PPP1R9A: variants seen among roughly 807,000 people sequenced by gnomAD.
PPP1R9A encodes protein phosphatase 1 regulatory subunit 9A.
Under a neutral mutation model 141.9 loss-of-function variants are expected in PPP1R9A, and 59 were observed. The ratio of observed to expected loss-of-function variants is 0.42; its 90% confidence interval spans 0.34 to 0.52. PPP1R9A has a LOEUF of 0.52. Ranked by LOEUF, PPP1R9A falls within the 20% of genes least tolerant of loss-of-function variation. The pLI is 0.10. For synonymous variants in PPP1R9A, 500 were observed against 569.7 expected, an observed-to-expected ratio of 0.88 and a Z score of 1.74; for missense variants, 1,444 against 1,611.9, an observed-to-expected ratio of 0.90 and a Z score of 1.78.
chr7:95,225,968 A>C lies in PPP1R9A; in HGVS notation c.1964A>C (p.Glu655Ala). 1 of 1,604,942 alleles carries C rather than the reference A, an allele frequency of 6.2e-7. No homozygotes were observed. The highest frequency in any genetic ancestry group is 8.5e-7 in the Non-Finnish European group (1 of 1,172,788). The change falls in exon 8 of 20, where the codon GAA (glutamate) becomes GCA (alanine). Residue 655 changes from glutamate (E) to alanine (A), a missense_variant. Physicochemically the swap from Glu to Ala is moderately radical, Grantham distance 107. Transcript: ENST00000433360. ...NNNNYFLKTG[E>A]YATDEEEDEV... ...AAATCCCCTTCCTTTCAGACAGGAG[A>C]ATATGCCACAGATGAAGAAGAAGAT...
At chr7:95,253,990 TTA>T (rs1799242294) in intron 12 of PPP1R9A, among the ~76,000 whole-genome samples, 1 of 152,072 alleles carries the variant, frequency 6.6e-6, no homozygotes, top group African/African-American at 2.4e-5. Flanking sequence ...GTTTATTAAA[TTA>T]TATGACTACA....
intron 7 of PPP1R9A, among the ~76,000 whole-genome samples, chr7:95,221,683 G>A (rs1794477097): frequency 6.6e-6 from 1 of 151,950 alleles, no homozygotes; most frequent in South Asian, 2.1e-4. Context: ...AATAAAGACT[G>A]GCAGCTCAAG....
At chr7:95,175,670 TC>T (rs1832793587) in intron 5 of PPP1R9A, among the ~76,000 whole-genome samples, 1 of 152,102 alleles carries the variant, frequency 6.6e-6, no homozygotes, top group African/African-American at 2.4e-5. Context: ...GAAGAAATTT[TC>T]AATGATTTAT....
chr7:95,022,269 GT>G (rs1028434845), intron 2 of PPP1R9A, among the ~76,000 whole-genome samples: 25 of 152,208 alleles, frequency 1.6e-4, no homozygotes, highest in African/African-American at 5.8e-4. Flanking sequence ...TTGCCTCTCT[GT>G]TTGTCTATTA....
chr7:95,175,819 A>T (rs1832817929), intron 5 of PPP1R9A, among the ~76,000 whole-genome samples: 1 of 152,194 alleles, frequency 6.6e-6, no homozygotes. Flanking sequence ...AGGGAACCAT[A>T]TAACTTCTGA....
At chr7:95,050,464 A>G (rs1056822180) in intron 2 of PPP1R9A, among the ~76,000 whole-genome samples, 16 of 152,176 alleles carry the variant, frequency 1.1e-4, no homozygotes, top group African/African-American at 3.9e-4. Context: ...TTGGTGGCTC[A>G]CACCTATAAT....
intron 5 of PPP1R9A, among the ~76,000 whole-genome samples, chr7:95,195,882 C>G (rs1247743141): frequency 6.6e-6 from 1 of 152,014 alleles, no homozygotes; most frequent in Non-Finnish European, 1.5e-5. Context: ...GAGATGTCAT[C>G]TCTACAAAAA....
chr7:95,279,183 C>G (rs145673484), intron 16 of PPP1R9A, among the ~76,000 whole-genome samples: 1 of 152,170 alleles, frequency 6.6e-6, no homozygotes, highest in African/African-American at 2.4e-5. Context: ...ACTTCATAGG[C>G]TATTTCTCTC....
chr7:94,975,244 A>G (rs1584467205), intron 2 of PPP1R9A, among the ~76,000 whole-genome samples: 1 of 152,230 alleles, frequency 6.6e-6, no homozygotes, highest in East Asian at 1.9e-4. Flanking sequence ...TAGTTTATTC[A>G]TAGATGAAGA....
chr7:95,177,286 A>C (rs111992255), intron 5 of PPP1R9A, among the ~76,000 whole-genome samples: 1 of 152,106 alleles, frequency 6.6e-6, no homozygotes, highest in African/African-American at 2.4e-5. Flanking sequence ...AATATGAAGG[A>C]AAGATACAGT....
In PPP1R9A at chr7:95,286,127, C is replaced by G. The variant is rs556904811; in HGVS notation, c.3610-79C>G. ...TCTGCTAAGATTGTTTAAAAGAGCCCTTTTAGAGCTTGTAGACACACCTAC... is the reference window on the plus strand; with the variant it reads ...TCTGCTAAGATTGTTTAAAAGAGCCGTTTTAGAGCTTGTAGACACACCTAC... On this transcript the variant is annotated intron_variant, in intron 17 of 19. Transcript: ENST00000433360. The G allele has an allele frequency of 1.9e-6, 3 of 1,565,486 alleles. No individual in the cohort carries two copies. The South Asian group carries it at 3.5e-5, about 18-fold the overall frequency.
Position 94,911,140 on chromosome 7 carries a change from C to G in PPP1R9A, c.1027C>G (p.Leu343Val), listed in dbSNP as rs770165508. Residue 343 changes from leucine (L) to valine (V), a missense_variant, in exon 2 of 20, where the codon CTG becomes GTG. Leu to Val is a conservative substitution (Grantham distance 32). Around this residue, in one of 5 missense-constraint regions of PPP1R9A, gnomAD observed 490 missense variants for 521.1 expected, o/e 0.94. Transcript: ENST00000433360. ...KSEIPSPQSQLLEDAEANLVG... is the reference protein window; with the variant it reads ...KSEIPSPQSQVLEDAEANLVG... Reference sequence around the variant, plus strand: ...CGAAATCCCTTCACCACAAAGCCAACTGTTAGAAGATGCTGAAGCTAATTT... The same window carrying G: ...CGAAATCCCTTCACCACAAAGCCAAGTGTTAGAAGATGCTGAAGCTAATTT... 206 of 1,614,050 alleles carry G rather than the reference C, an allele frequency of 1.3e-4. 1 individual carries two copies. The highest frequency in any genetic ancestry group is 1.7e-4 in the Non-Finnish European group (201 of 1,180,028).
chr7:95,176,068 AC>A (rs1289071363), intron 5 of PPP1R9A, among the ~76,000 whole-genome samples: 1 of 151,950 alleles, frequency 6.6e-6, no homozygotes, highest in African/African-American at 2.4e-5. Flanking sequence ...ACCCGAGAGG[AC>A]CCACAGACCC....
intron 2 of PPP1R9A, among the ~76,000 whole-genome samples, chr7:95,072,602 G>A (rs529148272): frequency 3.4e-4 from 43 of 127,242 alleles, no homozygotes; most frequent in African/African-American, 1.3e-3. Context: ...GTATATTAGT[G>A]ATTTTTTAAA....
Position 95,138,012 on chromosome 7 carries a change from G to A in PPP1R9A, c.1649+17180G>A, listed in dbSNP as rs554421960. ...CAGTGGCGCGATCTCGGCTCACTGC[G>A]AACCCCGCCTCCCAGGTTCACACCA... On this transcript the variant is annotated intron_variant, in intron 4 of 19. Transcript: ENST00000433360. Among the ~76,000 whole-genome samples, 643 of 148,934 alleles carry A rather than the reference G, an allele frequency of 4.3e-3. 3 individuals are homozygous for A. The highest frequency in any genetic ancestry group is 6.9e-3 in the Middle Eastern group (2 of 288).
chr7:94,921,990 C>T (rs35627058), intron 2 of PPP1R9A, among the ~76,000 whole-genome samples: 10,518 of 151,506 alleles, frequency 0.069, 466 homozygotes, highest in Admixed American at 0.14. Context: ...GGGCTGGGCC[C>T]GAAATCTATG....
intron 2 of PPP1R9A, among the ~76,000 whole-genome samples, chr7:95,092,681 C>T (rs1233424956): frequency 1.3e-5 from 2 of 152,188 alleles, no homozygotes; most frequent in Admixed American, 6.6e-5. Flanking sequence ...AAGTAAGACA[C>T]TAGTCCTGTG....
chr7:95,083,596 C>T lies in PPP1R9A; in HGVS notation c.1396-27663C>T, dbSNP rs1047714614. Reference sequence around the variant, plus strand: ...GCAAAGACTAGGAAACATAGTGGTTCCAGGTGGTTCCAGGTCGTTCCAGCT... The same window carrying T: ...GCAAAGACTAGGAAACATAGTGGTTTCAGGTGGTTCCAGGTCGTTCCAGCT... On this transcript the variant is annotated intron_variant, in intron 2 of 19. Coordinates refer to ENST00000433360, the MANE Select transcript of PPP1R9A (RefSeq NM_001166160.2). Among the ~76,000 whole-genome samples the T allele has an allele frequency of 4.0e-5, 6 of 151,836 alleles. No homozygotes were observed. In the South Asian group the frequency reaches 6.2e-4, roughly 16 times the overall value.
At chr7:94,958,553 T>C (rs1414073768) in intron 2 of PPP1R9A, among the ~76,000 whole-genome samples, 1 of 152,144 alleles carries the variant, frequency 6.6e-6, no homozygotes, top group East Asian at 1.9e-4. Flanking sequence ...GTTAGAGTTA[T>C]TATGTTGTTA....
Sources: allele counts gnomAD v4.1 joint callset (sites outside exome capture counted in the v4.1 genomes callset), GRCh38; gene constraint gnomAD v4.1.1; regional missense constraint gnomAD v4.1.1; transcripts MANE v1.5; gene names NCBI Gene and HGNC (gene_info 2026-07-23, HGNC 2026-07-21).